The following KDM2B variants were observed in gnomAD, a reference collection of about 807,000 sequenced individuals.
The protein encoded by KDM2B is lysine demethylase 2B, also known as lysine-specific demethylase 2B.
In KDM2B, 26 loss-of-function variants were observed where a neutral mutation model predicts 150.0. That is an observed-to-expected ratio of 0.17 (90% CI 0.13 to 0.24). The LOEUF (loss-of-function observed/expected upper bound fraction) is 0.24. Ranked by LOEUF, KDM2B falls within the 10% of genes least tolerant of loss-of-function variation. The pLI, the probability that KDM2B is intolerant of heterozygous loss-of-function variation, is 1.00. For missense variants in KDM2B, 1,265 were observed against 1,816.9 expected (o/e 0.70, Z 5.52); for synonymous variants, 734 against 729.5 (o/e 1.01, Z -0.10).
chr12:121,427,454 A>C (rs1566240027), downstream of KDM2B, among the ~76,000 whole-genome samples: 1 of 152,202 alleles, frequency 6.6e-6, no homozygotes, highest in Non-Finnish European at 1.5e-5. Flanking sequence ...AGGCAGGAGA[A>C]TTGCTTGAAC....
intron 22 of KDM2B, among the ~76,000 whole-genome samples, chr12:121,432,013 T>C (rs1372954437): frequency 6.6e-6 from 1 of 151,566 alleles, no homozygotes; most frequent in Non-Finnish European, 1.5e-5. Context: ...CCCAAGTAGC[T>C]GGGATTACAG....
intron 11 of KDM2B, among the ~76,000 whole-genome samples, chr12:121,499,874 C>T (rs1555301609): frequency 2.6e-5 from 4 of 151,726 alleles, no homozygotes; most frequent in Admixed American, 6.6e-5. Flanking sequence ...CACTTGAACC[C>T]GGAGGCAGAG....
chr12:121,444,587 A>G, intron 14 of KDM2B, 51 bp from the exon 15 acceptor site: 1 of 1,498,192 alleles, frequency 6.7e-7, no homozygotes, highest in South Asian at 1.1e-5. Context: ...AAGATGGCCC[A>G]CGGGCACAAG....
chr12:121,449,378 G>C (rs1876845059), intron 13 of KDM2B, among the ~76,000 whole-genome samples: 1 of 152,142 alleles, frequency 6.6e-6, no homozygotes, highest in South Asian at 2.1e-4. Flanking sequence ...TGCCCTGGCA[G>C]AGCAGAAGGG....
rs1593971813 is a variant in KDM2B at position 121,502,724 on chromosome 12, C to T, written c.1647+6843G>A. ...ATTGCTTGAGCCAAGGAGTTCGAGA[C>T]CAGCCTGGGCAGCAGAGCGAGACCC... On this transcript the variant is annotated intron_variant, in intron 11 of 22. Transcript: ENST00000377071. 5.6e-5 allele frequency among the ~76,000 whole-genome samples: 8 copies of T among 142,620 alleles called. No homozygotes were observed. The South Asian group carries it at 1.8e-3, about 31-fold the overall frequency. The allele number at this position is 142,620 out of a possible 152,430, so 93.6% of individuals were successfully genotyped here.
At chr12:121,490,685 C>G (rs1883251206) in intron 12 of KDM2B, among the ~76,000 whole-genome samples, 1 of 152,158 alleles carries the variant, frequency 6.6e-6, no homozygotes, top group Non-Finnish European at 1.5e-5. Flanking sequence ...AGAGTGTAGA[C>G]AGATCAAAAC....
At position 121,442,692 on chromosome 12, in the gene KDM2B, C is replaced by T; in HGVS notation, c.2749G>A (p.Ala917Thr). Residue 917 changes from alanine to threonine, a missense_variant, in exon 19 of 23, where the codon GCG becomes ACG. This residue lies in a region of KDM2B where 418 missense variants were observed against 402.4 expected (regional missense o/e 1.04). Transcript: ENST00000377071. This position sits in a 1 kb window ranked among gnomAD's most constrained non-coding sequence, Gnocchi z 7.7. ...TCGGCCCCTTCGGTGCTGGGTCCCG[C>T]GGTGGGGGAGCTGGAGCGGGAGTGG... is the stretch of plus-strand genomic sequence containing the variant. ...SDHSRSSSPT[A>T]GPSTEGAEGP... The T allele has an allele frequency of 6.3e-7, 1 of 1,598,104 alleles. No homozygotes were observed. Among genetic ancestry groups the T allele is most frequent in the Non-Finnish European group, 8.5e-7 (1 of 1,172,722 alleles).
chr12:121,474,423 C>T (rs1180274832), intron 12 of KDM2B, among the ~76,000 whole-genome samples: 3 of 151,732 alleles, frequency 2.0e-5, no homozygotes, highest in African/African-American at 7.3e-5. Context: ...GGCTGAGGCA[C>T]GAGAATGGCG....
rs1346941417 is a variant in KDM2B, at chr12:121,442,126, A to T, written c.3284+31T>A. 3 of 1,597,006 alleles carry T rather than the reference A, an allele frequency of 1.9e-6. No homozygotes were observed. The highest frequency in any genetic ancestry group is 2.6e-6 in the Non-Finnish European group (3 of 1,166,106). Reference sequence around the variant, plus strand: ...CCATCCCTGGTGCCGCCTGAGCCTTAACCTAGAGCCCTACACAGGCCGCCG... The same window carrying T: ...CCATCCCTGGTGCCGCCTGAGCCTTTACCTAGAGCCCTACACAGGCCGCCG... On this transcript the variant is annotated intron_variant, in intron 19 of 22. Coordinates refer to ENST00000377071, the MANE Select transcript of KDM2B (RefSeq NM_032590.5). This position sits in a 1 kb window ranked among gnomAD's most constrained non-coding sequence, Gnocchi z 7.7.
chr12:121,496,517 GAC>G (rs1883956276), intron 11 of KDM2B, among the ~76,000 whole-genome samples: 1 of 113,808 alleles, frequency 8.8e-6, no homozygotes, highest in African/African-American at 3.9e-5. Flanking sequence ...TTTTTTTTGA[GAC>G]AGGGTGTGAC....
chr12:121,433,057 T>G (rs1277016643), intron 22 of KDM2B: 1 of 446,244 alleles, frequency 2.2e-6, no homozygotes, highest in Non-Finnish European at 4.5e-6. Context: ...AAGTGAGACC[T>G]GGAGGCCCAG....
intron 4 of KDM2B, among the ~76,000 whole-genome samples, chr12:121,564,821 T>C (rs554235891): frequency 3.9e-5 from 6 of 152,122 alleles, no homozygotes; most frequent in Non-Finnish European, 8.8e-5. Flanking sequence ...TCTTTTTTTT[T>C]TCTCTTTTCT....
chr12:121,522,910 C>T (rs973133758), intron 8 of KDM2B, among the ~76,000 whole-genome samples: 11 of 152,154 alleles, frequency 7.2e-5, no homozygotes, highest in South Asian at 2.1e-4. Context: ...GATTTTGAGC[C>T]CGGGAAGTCG....
At chr12:121,519,354 A>G (rs989916856) in intron 9 of KDM2B, among the ~76,000 whole-genome samples, 1 of 152,242 alleles carries the variant, frequency 6.6e-6, no homozygotes. Flanking sequence ...AGATCTATGC[A>G]GAGCAACACC....
At chr12:121,534,703 G>T in intron 6 of KDM2B, 113 bp from the exon 7 acceptor site, 1 of 727,776 alleles carries the variant, frequency 1.4e-6, no homozygotes, top group Non-Finnish European at 2.3e-6. Flanking sequence ...CTGACGCTGG[G>T]GAATTTTCTT....
chr12:121,432,234 T>C (rs1555285733), intron 22 of KDM2B, among the ~76,000 whole-genome samples: 1 of 152,126 alleles, frequency 6.6e-6, no homozygotes, highest in African/African-American at 2.4e-5. Context: ...ATCCCTCAAG[T>C]AGTTCCCCCT....
chr12:121,473,857 C>G (rs1293307882), intron 12 of KDM2B, among the ~76,000 whole-genome samples: 1 of 151,842 alleles, frequency 6.6e-6, no homozygotes, highest in African/African-American at 2.4e-5. Context: ...TGTGAATAAA[C>G]AAAACACGGT....
At chr12:121,564,678 G>A (rs527456446) in intron 4 of KDM2B, among the ~76,000 whole-genome samples, 2 of 152,072 alleles carry the variant, frequency 1.3e-5, no homozygotes, top group Non-Finnish European at 2.9e-5. Flanking sequence ...AGAAAACTCC[G>A]TATAATAAAA....
intron 12 of KDM2B, among the ~76,000 whole-genome samples, chr12:121,472,513 A>C (rs991759318): frequency 1.3e-5 from 2 of 152,194 alleles, no homozygotes; most frequent in Non-Finnish European, 2.9e-5. Flanking sequence ...ACATATATTC[A>C]TCATATAAAT....
Sources: gnomAD v4.1 joint callset for allele counts (sites outside exome capture counted in the v4.1 genomes callset) on GRCh38, gnomAD v4.1.1 for gene constraint, gnomAD v4.1.1 regional missense constraint, Gnocchi (gnomAD v3.1) non-coding constraint, MANE v1.5 for transcripts, NCBI Gene and HGNC (gene_info 2026-07-23, HGNC 2026-07-21) for gene names.